The following AEBP2 variants were observed in gnomAD, a reference collection of about 807,000 sequenced individuals.
AEBP2 encodes the protein zinc finger protein AEBP2.
Under a neutral mutation model 50.8 loss-of-function variants are expected in AEBP2, and 10 were observed. The ratio of observed to expected loss-of-function variants is 0.20; its 90% CI spans 0.12 to 0.33. The LOEUF (loss-of-function observed/expected upper bound fraction) is 0.33. AEBP2 is among the 10% of genes least tolerant of loss of function. The probability of loss-of-function intolerance (pLI) is 1.00; values close to 1 mark genes in which losing one functional copy is unlikely to be tolerated. For synonymous variants in AEBP2, 296 were observed against 261.3 expected (o/e 1.13, Z -1.28); for missense variants, 570 against 688.0 (o/e 0.83, Z 1.92).
At chr12:19,472,206 C>T (rs1166811659) in intron 2 of AEBP2, among the ~76,000 whole-genome samples, 1 of 152,120 alleles carries the variant, frequency 6.6e-6, no homozygotes, top group Non-Finnish European at 1.5e-5. Context: ...AAAGATTCTT[C>T]AGTTCTTTGT....
chr12:19,474,289 A>T (rs1425080771), intron 3 of AEBP2, among the ~76,000 whole-genome samples: 5 of 152,238 alleles, frequency 3.3e-5, no homozygotes, highest in African/African-American at 4.8e-5. Context: ...TTATGTTTAA[A>T]GGAGTTTAAT....
chr12:19,407,448 C>T (rs1337111999), intron 1 of AEBP2, among the ~76,000 whole-genome samples: 2 of 152,122 alleles, frequency 1.3e-5, no homozygotes, highest in Admixed American at 6.5e-5. Flanking sequence ...GGATTACAGG[C>T]GCACGCCACC....
At chr12:19,467,639 TG>T (rs1948501771) in intron 2 of AEBP2, among the ~76,000 whole-genome samples, 1 of 152,192 alleles carries the variant, frequency 6.6e-6, no homozygotes, top group Non-Finnish European at 1.5e-5. Context: ...GATTAGACTC[TG>T]AGTTATCTTA....
chr12:19,465,631 A>G (rs534725780), intron 2 of AEBP2, among the ~76,000 whole-genome samples: 12 of 152,072 alleles, frequency 7.9e-5, no homozygotes, highest in African/African-American at 2.9e-4. Context: ...GACTCAAGCG[A>G]TCTGCCCGCC....
intron 1 of AEBP2, among the ~76,000 whole-genome samples, chr12:19,422,579 G>A (rs146166313): frequency 0.013 from 2,018 of 151,684 alleles, 23 homozygotes; most frequent in Non-Finnish European, 0.022. Context: ...TCACTGCAAC[G>A]TCCACCTCCC....
At chr12:19,456,153 A>G (rs1405595459) in intron 1 of AEBP2, 1 of 865,200 alleles carries the variant, frequency 1.2e-6, no homozygotes, top group African/African-American at 1.7e-5. Flanking sequence ...GTCTTTTACT[A>G]CTAAACTTAA....
chr12:19,491,860 T>C (rs532320374), intron 3 of AEBP2, among the ~76,000 whole-genome samples: 2 of 152,298 alleles, frequency 1.3e-5, no homozygotes, highest in South Asian at 2.1e-4. Context: ...TGAGTTGACA[T>C]AGATATGCAG....
intron 5 of AEBP2, among the ~76,000 whole-genome samples, chr12:19,511,426 A>G (rs1357755900): frequency 2.6e-5 from 4 of 152,154 alleles, no homozygotes; most frequent in Non-Finnish European, 5.9e-5. Flanking sequence ...GCAGAAAACC[A>G]TGAAATAGCT....
chr12:19,488,551 T>G (rs80028336), intron 3 of AEBP2, among the ~76,000 whole-genome samples: 2 of 152,074 alleles, frequency 1.3e-5, no homozygotes, highest in Non-Finnish European at 2.9e-5. Context: ...CAACATTTCT[T>G]TTTGGAATTT....
chr12:19,510,865 C>CTTTTTTTT (rs58870259), intron 5 of AEBP2, among the ~76,000 whole-genome samples: 39,688 of 88,160 alleles, frequency 0.45, 10,252 homozygotes, highest in Non-Finnish European at 0.52. Flanking sequence ...AAGGTAGTGA[C>CTTTTTTTT]TTTTTTTTTT....
upstream of AEBP2, among the ~76,000 whole-genome samples, chr12:19,436,715 C>G (rs962118670): frequency 3.3e-5 from 5 of 151,864 alleles, no homozygotes; most frequent in African/African-American, 1.2e-4. Context: ...CTCAGCCTCC[C>G]AAGTAGCTGG....
At position 19,425,933 on chromosome 12, in the gene AEBP2, TG is replaced by T. The variant is rs1320348496; in HGVS notation, c.-17+21720del. The stretch of plus-strand genomic sequence containing the variant: ...GCTTGATTCCCAAGCTGTCCTATGG[TG>T]GGATTTCTGTTTTTCTTTTTGAGAC... On this transcript the variant is annotated intron_variant, in intron 1 of 3. Coordinates refer to the AEBP2 transcript ENST00000538425. Among the ~76,000 whole-genome samples the T allele has an allele frequency of 3.3e-5, 5 of 152,024 alleles. No homozygotes were observed. The East Asian group carries it at 9.7e-4, about 29-fold the overall frequency.
intron 5 of AEBP2, among the ~76,000 whole-genome samples, chr12:19,506,863 T>A (rs1949161871): frequency 6.6e-6 from 1 of 152,094 alleles, no homozygotes. Context: ...ATACTGGGTT[T>A]TAGAATAAGA....
At chr12:19,474,160 C>G (rs1031597209) in intron 3 of AEBP2, among the ~76,000 whole-genome samples, 2 of 152,184 alleles carry the variant, frequency 1.3e-5, no homozygotes, top group African/African-American at 4.8e-5. Flanking sequence ...TAGATGTATT[C>G]TGGGAAATCT....
At chr12:19,425,773 C>CAA (rs11317571) in intron 1 of AEBP2, among the ~76,000 whole-genome samples, 34 of 47,790 alleles carry the variant, frequency 7.1e-4, no homozygotes, top group African/African-American at 8.7e-4. Context: ...GACTCCATCT[C>CAA]AAAAAAAAAA....
chr12:19,433,211 C>G (rs2095752334), intron 1 of AEBP2, among the ~76,000 whole-genome samples: 1 of 151,948 alleles, frequency 6.6e-6, no homozygotes, highest in Admixed American at 6.6e-5. Context: ...CATGGTGAAA[C>G]TTTGTCTCTA....
At chr12:19,510,676 C>T (rs1030658243) in intron 5 of AEBP2, among the ~76,000 whole-genome samples, 1 of 152,024 alleles carries the variant, frequency 6.6e-6, no homozygotes, top group African/African-American at 2.4e-5. Context: ...GGTTTCTGGT[C>T]ACATTTCTTG....
In AEBP2 at chr12:19,520,859, G is replaced by T. The variant is rs565658123; in HGVS notation, c.*2742G>T. 42 of 152,284 alleles carry T rather than the reference G, an allele frequency of 2.8e-4. 1 individual carries two copies. The highest frequency in any genetic ancestry group is 9.6e-4 in the African/African-American group (40 of 41,550). 9.4% of individuals were successfully genotyped at this position (152,284 alleles called of 1,614,324 possible). On this transcript the variant is annotated 3_prime_UTR_variant, in exon 8 of 8. Transcript: ENST00000266508. ...ACTTTCTGAGTGCTGACATCATGCT[G>T]CAAGTGGAAAATTCCACGCCTGACC... is the stretch of plus-strand genomic sequence containing the variant.
chr12:19,487,400 A>G (rs1010167668), intron 3 of AEBP2, among the ~76,000 whole-genome samples: 6 of 152,086 alleles, frequency 3.9e-5, no homozygotes, highest in Non-Finnish European at 8.8e-5. Flanking sequence ...CTGTCTGGTT[A>G]CAGAAAGTAC....
Sources: allele counts gnomAD v4.1 joint callset (sites outside exome capture counted in the v4.1 genomes callset), GRCh38; gene constraint gnomAD v4.1.1; transcripts MANE v1.5; gene names NCBI Gene and HGNC (gene_info 2026-07-23, HGNC 2026-07-21).